The following AGMO variants were observed in gnomAD, a reference collection of about 807,000 sequenced individuals.
AGMO encodes alkylglycerol monooxygenase, also known as glyceryl-ether monooxygenase.
A neutral mutation model predicts 60.2 loss-of-function variants in AGMO; 75 were observed. That is an observed-to-expected ratio of 1.25 (90% confidence interval 1.03 to 1.51). AGMO has a LOEUF of 1.51. Ranked by LOEUF, AGMO falls within the 40% of genes most tolerant of loss-of-function variation. The probability of loss-of-function intolerance (pLI) is 0.00; values close to 1 mark genes in which losing one functional copy is unlikely to be tolerated. For synonymous variants in AGMO, 261 were observed against 177.1 expected (o/e 1.47, Z -3.76); for missense variants, 763 against 525.5 (o/e 1.45, Z -4.42).
the AGMO span, among the ~76,000 whole-genome samples, chr7:15,152,998 C>A: frequency 6.6e-6 from 1 of 151,996 alleles, no homozygotes; most frequent in Non-Finnish European, 1.5e-5. Context: ...ACATCCACAG[C>A]AACATCTATT....
At chr7:15,158,972 G>A in the AGMO span, among the ~76,000 whole-genome samples, 10 of 152,112 alleles carry the variant, frequency 6.6e-5, no homozygotes, top group Admixed American at 6.5e-4. Context: ...TGGGGTTGGG[G>A]TGAGGGGTAG....
chr7:15,314,157 A>C (rs1478698529), intron 12 of AGMO, among the ~76,000 whole-genome samples: 2 of 152,060 alleles, frequency 1.3e-5, no homozygotes, highest in African/African-American at 2.4e-5. Context: ...TTGGACAAAA[A>C]GGTGATTTAC....
At chr7:15,495,581 T>C (rs1029035306) in intron 3 of AGMO, among the ~76,000 whole-genome samples, 1 of 152,184 alleles carries the variant, frequency 6.6e-6, no homozygotes, top group African/African-American at 2.4e-5. Flanking sequence ...GCTTCCCATG[T>C]CTCAGTTTTT....
chr7:15,526,944 G>A (rs954294468), intron 3 of AGMO, among the ~76,000 whole-genome samples: 3 of 152,048 alleles, frequency 2.0e-5, no homozygotes, highest in South Asian at 2.1e-4. Flanking sequence ...GTCTCTCTAT[G>A]TTGCCATTAA....
intron 12 of AGMO, among the ~76,000 whole-genome samples, chr7:15,356,011 A>C (rs1366151490): frequency 6.6e-6 from 1 of 152,242 alleles, no homozygotes; most frequent in Non-Finnish European, 1.5e-5. Flanking sequence ...AGAAAATAGT[A>C]ATTAGAAATA....
chr7:15,403,449 G>T (rs1307335211), intron 5 of AGMO, among the ~76,000 whole-genome samples: 1 of 151,746 alleles, frequency 6.6e-6, no homozygotes, highest in South Asian at 2.1e-4. Flanking sequence ...TCATAGAGTG[G>T]AACAATGGAA....
chr7:15,292,751 C>CTTTTTTTTTTTT (rs765222435), intron 12 of AGMO, among the ~76,000 whole-genome samples: 32 of 95,124 alleles, frequency 3.4e-4, no homozygotes, highest in African/African-American at 4.1e-4. Flanking sequence ...TTTTTTTTTC[C>CTTTTTTTTTTTT]TTTTTTTTTT....
At chr7:15,363,141 G>A (rs985323448) in intron 12 of AGMO, among the ~76,000 whole-genome samples, 12 of 152,186 alleles carry the variant, frequency 7.9e-5, no homozygotes, top group African/African-American at 2.9e-4. Context: ...CTATTTTACA[G>A]TTGAACAACC....
intron 12 of AGMO, among the ~76,000 whole-genome samples, chr7:15,316,162 T>A (rs539616641): frequency 6.6e-6 from 1 of 152,256 alleles, no homozygotes; most frequent in East Asian, 1.9e-4. Flanking sequence ...GTATTGGAGT[T>A]GCCAAGGGAA....
downstream of AGMO, among the ~76,000 whole-genome samples, chr7:15,195,525 T>C (rs867689627): frequency 1.3e-5 from 2 of 152,234 alleles, no homozygotes; most frequent in Admixed American, 6.5e-5. Context: ...AAATGGGTTT[T>C]GTACTTGGCT....
At chr7:15,367,446 T>C (rs1241627528) in intron 10 of AGMO, among the ~76,000 whole-genome samples, 5 of 152,064 alleles carry the variant, frequency 3.3e-5, no homozygotes, top group African/African-American at 1.2e-4. Context: ...GTTGTCATTA[T>C]ATCGGCTTTA....
At chr7:15,156,509 CTG>C in the AGMO span, among the ~76,000 whole-genome samples, 1 of 152,290 alleles carries the variant, frequency 6.6e-6, no homozygotes, top group African/African-American at 2.4e-5. Context: ...GGCTGGAGTT[CTG>C]TCTCTGCCAA....
At chr7:15,218,327 A>ATGTGTGTGTGTGTGTGTGTGTG (rs138890087) in intron 12 of AGMO, among the ~76,000 whole-genome samples, 2 of 143,930 alleles carry the variant, frequency 1.4e-5, no homozygotes, top group African/African-American at 2.6e-5. Flanking sequence ...TGGTGTGTGT[A>ATGTGTGTGTGTGTGTGTGTGTG]TGTGTGTGTG....
intron 5 of AGMO, chr7:15,396,045 C>G (rs561497009): frequency 6.6e-6 from 1 of 152,336 alleles, no homozygotes; most frequent in East Asian, 1.9e-4. Flanking sequence ...TGTTTACCCA[C>G]CTGAAAAGAG....
chr7:15,500,268 A>T (rs1783347056), intron 3 of AGMO, among the ~76,000 whole-genome samples: 1 of 151,942 alleles, frequency 6.6e-6, no homozygotes, highest in South Asian at 2.1e-4. Flanking sequence ...TGTCTGTCCC[A>T]GTCAGGGAAT....
chr7:15,316,481 A>C (rs1180619819), intron 12 of AGMO, among the ~76,000 whole-genome samples: 1 of 152,160 alleles, frequency 6.6e-6, no homozygotes, highest in African/African-American at 2.4e-5. Context: ...CAAGGTGATA[A>C]ACCTGGCACA....
chr7:15,292,824 C>G (rs894818932), intron 12 of AGMO, among the ~76,000 whole-genome samples: 1 of 125,310 alleles, frequency 8.0e-6, no homozygotes, highest in Admixed American at 1.0e-4. Flanking sequence ...GTGGCGTGAT[C>G]TCGGCTCACT....
chr7:15,512,553 T>A (rs1029379974), intron 3 of AGMO, among the ~76,000 whole-genome samples: 4 of 152,172 alleles, frequency 2.6e-5, no homozygotes, highest in African/African-American at 9.7e-5. Context: ...ATGCCCGGCC[T>A]AAAGTCTGAT....
chr7:15,327,580 G>T (rs749610183), intron 12 of AGMO, among the ~76,000 whole-genome samples: 2 of 151,850 alleles, frequency 1.3e-5, no homozygotes, highest in African/African-American at 2.4e-5. Flanking sequence ...ATGAGAAAAG[G>T]AGATTAGAAA....
Sources: allele counts gnomAD v4.1 joint callset (sites outside exome capture counted in the v4.1 genomes callset), GRCh38; gene constraint gnomAD v4.1.1; transcripts MANE v1.5; gene names NCBI Gene and HGNC (gene_info 2026-07-23, HGNC 2026-07-21).